The following SLC4A4 variants were observed in gnomAD, a reference collection of about 807,000 sequenced individuals.
The protein encoded by SLC4A4 is electrogenic sodium bicarbonate cotransporter 1.
SLC4A4 carries 27 observed loss-of-function variants against 111.5 expected under a neutral mutation model. The ratio of observed to expected loss-of-function variants is 0.24; its 90% CI spans 0.18 to 0.33. The LOEUF (loss-of-function observed/expected upper bound fraction) is 0.33. SLC4A4 is among the 10% of genes least tolerant of loss of function. The pLI, the probability that SLC4A4 is intolerant of heterozygous loss-of-function variation, is 1.00. For synonymous variants in SLC4A4, 443 were observed against 463.4 expected (o/e 0.96, Z 0.57); for missense variants, 909 against 1,315.5 (o/e 0.69, Z 4.78).
At chr4:71,419,405 G>A (rs1399877472) in intron 7 of SLC4A4, among the ~76,000 whole-genome samples, 4 of 152,302 alleles carry the variant, frequency 2.6e-5, no homozygotes, top group East Asian at 1.9e-4. Flanking sequence ...AATGGCAGGC[G>A]CCCCTCCCCC....
chr4:71,439,581 A>G (rs1724521189), intron 7 of SLC4A4, among the ~76,000 whole-genome samples: 1 of 148,446 alleles, frequency 6.7e-6, no homozygotes, highest in Non-Finnish European at 1.5e-5. Flanking sequence ...CACTCTCCTT[A>G]TTGAGCTGTT....
intron 1 of SLC4A4, among the ~76,000 whole-genome samples, chr4:71,217,010 T>C (rs1037409878): frequency 6.6e-6 from 1 of 152,228 alleles, no homozygotes; most frequent in Non-Finnish European, 1.5e-5. Flanking sequence ...AGTTGGTAAC[T>C]TGAATTACAT....
At chr4:71,416,898 A>G (rs1721873497) in intron 7 of SLC4A4, among the ~76,000 whole-genome samples, 1 of 152,160 alleles carries the variant, frequency 6.6e-6, no homozygotes, top group Non-Finnish European at 1.5e-5. Flanking sequence ...CAAGGGTAGG[A>G]CTTTTAGCCA....
In SLC4A4 at chr4:71,218,553, T is replaced by G. The variant is rs189344862; in HGVS notation, c.-1-18023T>G. Among the ~76,000 whole-genome samples the G allele has an allele frequency of 3.7e-4, 56 of 152,330 alleles. No individual in the cohort carries two copies. In the East Asian group the frequency reaches 9.8e-3, roughly 27 times the overall value. ...CCCATTCAAATCCGTACAAATCTAT[T>G]TCACCCATAATATACCTAAAACAGT... On this transcript the variant is annotated intron_variant, in intron 1 of 25. Coordinates refer to ENST00000264485, the MANE Select transcript of SLC4A4 (RefSeq NM_001098484.3).
intron 7 of SLC4A4, among the ~76,000 whole-genome samples, chr4:71,418,994 T>C (rs539005011): frequency 4.1e-4 from 63 of 152,264 alleles, no homozygotes; most frequent in Non-Finnish European, 9.0e-4. Flanking sequence ...GCAGCGGTGT[T>C]TGCAGAACAG....
At chr4:71,244,787 C>A (rs199910050) in intron 2 of SLC4A4, among the ~76,000 whole-genome samples, 1 of 105,216 alleles carries the variant, frequency 9.5e-6, no homozygotes, top group African/African-American at 3.4e-5. Flanking sequence ...TTTTTTTTTT[C>A]TTTAAGCCGA....
At chr4:71,382,534 G>A (rs1718254804) in intron 6 of SLC4A4, among the ~76,000 whole-genome samples, 1 of 152,188 alleles carries the variant, frequency 6.6e-6, no homozygotes, top group Non-Finnish European at 1.5e-5. Context: ...CTGTGCAAAT[G>A]CTACTGCTTA....
intron 2 of SLC4A4, among the ~76,000 whole-genome samples, chr4:71,166,116 T>C (rs2148979814): frequency 6.6e-6 from 1 of 152,268 alleles, no homozygotes; most frequent in East Asian, 1.9e-4. Flanking sequence ...GAAATGTTAT[T>C]AAATAGCAGC....
At chr4:71,236,379 T>C in intron 1 of SLC4A4, 197 bp from the exon 2 acceptor site, 1 of 784,854 alleles carries the variant, frequency 1.3e-6, no homozygotes, top group Non-Finnish European at 1.9e-6. Flanking sequence ...GAACTGAAGC[T>C]ATGTGGGACC....
At chr4:71,161,349 G>C (rs1744612139) in intron 2 of SLC4A4, among the ~76,000 whole-genome samples, 1 of 152,176 alleles carries the variant, frequency 6.6e-6, no homozygotes, top group Non-Finnish European at 1.5e-5. Context: ...AGCATCATCA[G>C]CTATATCCTA....
At chr4:71,426,352 A>T (rs1723133565) in intron 7 of SLC4A4, among the ~76,000 whole-genome samples, 1 of 152,090 alleles carries the variant, frequency 6.6e-6, no homozygotes, top group Non-Finnish European at 1.5e-5. Flanking sequence ...TTTAGTTTAC[A>T]CTTGATACTC....
intron 3 of SLC4A4, among the ~76,000 whole-genome samples, chr4:71,307,500 G>T (rs569988043): frequency 6.6e-6 from 1 of 152,318 alleles, no homozygotes; most frequent in South Asian, 2.1e-4. Context: ...AGGGTTAATT[G>T]TGGTGAATAT....
intron 3 of SLC4A4, chr4:71,300,729 C>T (rs1314083703): frequency 2.7e-6 from 1 of 370,440 alleles, no homozygotes; most frequent in East Asian, 7.4e-5. Flanking sequence ...CTGGAGGGGG[C>T]CTGGGAAGGG....
intron 2 of SLC4A4, among the ~76,000 whole-genome samples, chr4:71,124,949 T>C (rs527932514): frequency 6.6e-6 from 1 of 152,362 alleles, no homozygotes; most frequent in African/African-American, 2.4e-5. Flanking sequence ...CAGATATTGA[T>C]ACAGGAACTA....
intron 3 of SLC4A4, among the ~76,000 whole-genome samples, chr4:71,297,982 C>G (rs1226228966): frequency 6.6e-6 from 1 of 152,148 alleles, no homozygotes; most frequent in African/African-American, 2.4e-5. Context: ...ATTTGGAAGA[C>G]CTTGGTTCAA....
intron 4 of SLC4A4, among the ~76,000 whole-genome samples, chr4:71,343,926 A>G (rs570885610): frequency 2.0e-5 from 3 of 151,260 alleles, no homozygotes; most frequent in African/African-American, 7.4e-5. Flanking sequence ...CTGAACCCCC[A>G]CAGTTATCTG....
chr4:71,424,547 T>A (rs1295364744), intron 7 of SLC4A4, among the ~76,000 whole-genome samples: 1 of 152,092 alleles, frequency 6.6e-6, no homozygotes, highest in Non-Finnish European at 1.5e-5. Flanking sequence ...CACACGTATG[T>A]TTATTGTGGC....
intron 13 of SLC4A4, 90 bp from the exon 14 acceptor site, chr4:71,472,608 TG>T: frequency 1.5e-6 from 2 of 1,328,856 alleles, no homozygotes. Flanking sequence ...CTTGTATTTT[TG>T]TCAATCTTTC....
chr4:71,329,775 G>A (rs980269379), intron 3 of SLC4A4, among the ~76,000 whole-genome samples: 4 of 151,966 alleles, frequency 2.6e-5, no homozygotes, highest in African/African-American at 9.7e-5. Flanking sequence ...GTTAATTTGA[G>A]TTCCTTCTTT....
Sources: allele counts gnomAD v4.1 joint callset (sites outside exome capture counted in the v4.1 genomes callset), GRCh38; gene constraint gnomAD v4.1.1; transcripts MANE v1.5; gene names NCBI Gene and HGNC (gene_info 2026-07-23, HGNC 2026-07-21).